Variants in CIB1 observed in about 807,000 individuals in gnomAD.
CIB1 encodes the protein calcium and integrin binding 1.
A neutral mutation model predicts 25.0 loss-of-function variants in CIB1; 19 were observed. The observed-to-expected ratio is 0.76, with a 90% confidence interval of 0.53 to 1.12. The LOEUF is 1.12. Among genes scored for constraint, CIB1 ranks in the 50% most tolerant of loss-of-function variants. The probability of loss-of-function intolerance (pLI) is 0.00; values close to 1 mark genes in which losing one functional copy is unlikely to be tolerated. For synonymous variants in CIB1, 104 were observed against 98.5 expected, an observed-to-expected ratio of 1.06 and a Z score of -0.33; for missense variants, 236 against 242.6, an observed-to-expected ratio of 0.97 and a Z score of 0.18.
At chr15:90,259,968 C>T in the CIB1 span, among the ~76,000 whole-genome samples, 1 of 152,124 alleles carries the variant, frequency 6.6e-6, no homozygotes, top group African/African-American at 2.4e-5. Flanking sequence ...TATGCAGGGG[C>T]AGTGTGTGTT....
chr15:90,251,025 T>A, the CIB1 span: 1 of 1,186,626 alleles, frequency 8.4e-7, no homozygotes, highest in Non-Finnish European at 1.2e-6. Context: ...GGAGTGTCAT[T>A]AACCCTTTGA....
chr15:90,261,882 C>A, the CIB1 span: 1 of 751,830 alleles, frequency 1.3e-6, no homozygotes, highest in Non-Finnish European at 2.0e-6. Flanking sequence ...GCTTTCCCTA[C>A]TTGGGCAGGG....
At chr15:90,249,214 CA>C in the CIB1 span, among the ~76,000 whole-genome samples, 20,525 of 87,750 alleles carry the variant, frequency 0.23, 920 homozygotes, top group Middle Eastern at 0.3. Flanking sequence ...GACCCCGTCT[CA>C]AAAAAAAAAA....
chr15:90,262,668 A>C, the CIB1 span: 5 of 1,483,392 alleles, frequency 3.4e-6, no homozygotes, highest in Non-Finnish European at 4.4e-6. Flanking sequence ...TGGGAGAAAG[A>C]GGTGCCAGGG....
chr15:90,236,123 C>G (rs1031096499), upstream of CIB1: 1 of 152,266 alleles, frequency 6.6e-6, no homozygotes, highest in Non-Finnish European at 1.5e-5. Context: ...ACCGCAACCT[C>G]CGCCTCCTGA....
At chr15:90,253,471 C>A in the CIB1 span, 1 of 711,094 alleles carries the variant, frequency 1.4e-6, no homozygotes, top group Non-Finnish European at 2.3e-6. Context: ...TGTGGCTGTC[C>A]CCTTGTGCAG....
chr15:90,253,167 T>C, the CIB1 span: 1 of 1,144,620 alleles, frequency 8.7e-7, no homozygotes, highest in Non-Finnish European at 1.3e-6. Flanking sequence ...GTCAGGTGTA[T>C]ACCTTACCTG....
upstream of CIB1, among the ~76,000 whole-genome samples, chr15:90,236,708 A>AT (rs976177464): frequency 1.4e-4 from 20 of 147,470 alleles, no homozygotes; most frequent in Admixed American, 8.1e-4. Flanking sequence ...TAATTTTTGT[A>AT]TTTTTTTTTA....
chr15:90,258,936 G>C, the CIB1 span: 33 of 1,613,978 alleles, frequency 2.0e-5, no homozygotes, highest in African/African-American at 3.2e-4. Flanking sequence ...AGGTGTGCTA[G>C]GTGTCTGGCA....
chr15:90,259,443 A>C, the CIB1 span, among the ~76,000 whole-genome samples: 1 of 152,104 alleles, frequency 6.6e-6, no homozygotes, highest in African/African-American at 2.4e-5. Context: ...AAAAATACAG[A>C]GGGTAGTCTT....
At chr15:90,237,442 C>T (rs929074619), upstream of CIB1, among the ~76,000 whole-genome samples, 3 of 151,950 alleles carry the variant, frequency 2.0e-5, no homozygotes, top group South Asian at 2.1e-4. Flanking sequence ...CCCACCACCA[C>T]GCCCAGCTAA....
chr15:90,248,525 G>T, the CIB1 span, among the ~76,000 whole-genome samples: 1 of 151,690 alleles, frequency 6.6e-6, no homozygotes, highest in Non-Finnish European at 1.5e-5. Context: ...GATCAGCCTG[G>T]CCAACACAGC....
chr15:90,265,759 C>T, the CIB1 span: 4 of 1,613,150 alleles, frequency 2.5e-6, no homozygotes, highest in African/African-American at 4.0e-5. Context: ...GTTTGCGCCG[C>T]CGTCACTCGC....
At chr15:90,256,566 T>C in the CIB1 span, among the ~76,000 whole-genome samples, 89 of 80,988 alleles carry the variant, frequency 1.1e-3, no homozygotes, top group Non-Finnish European at 1.8e-3. Flanking sequence ...TCTTTCTTTC[T>C]TTCTTTCTTT....
At chr15:90,263,060 T>C in the CIB1 span, 2 of 1,535,990 alleles carry the variant, frequency 1.3e-6, no homozygotes, top group African/African-American at 2.7e-5. Flanking sequence ...AGGGAGACTC[T>C]CATCCGAAGC....
At chr15:90,242,431 C>CTTTTTTTTTTTTTTTTTTTTTTTTTTT in the CIB1 span, 2 of 65,510 alleles carry the variant, frequency 3.1e-5, no homozygotes, top group African/African-American at 5.8e-5. Flanking sequence ...TTTTCTGTTT[C>CTTTTTTTTTTTTTTTTTTTTTTTTTTT]TTTTTTTTTT....
At chr15:90,241,557 C>T in the CIB1 span, 5 of 1,613,366 alleles carry the variant, frequency 3.1e-6, no homozygotes, top group Admixed American at 3.3e-5. Context: ...GGTGAACCAC[C>T]TCCACCTGCA....
chr15:90,230,955 G>C lies in CIB1; in HGVS notation c.533C>G (p.Ser178Cys), dbSNP rs781487047. Residue 178 changes from serine to cysteine, a missense_variant, in exon 6 of 7, where the codon TCC becomes TGC. Transcript: ENST00000328649. The stretch of plus-strand genomic sequence containing the variant: ...ATACCTGGCAAAGTCTGGAGAACGG[G>C]AGATGACGTGCTGGAACTCAGAGAG... Reference protein sequence around the residue: ...INLSEFQHVISRSPDFASSFK... With the variant: ...INLSEFQHVICRSPDFASSFK... 1.2e-6 allele frequency: 2 copies of C among 1,614,158 alleles called. No homozygotes were observed. Among genetic ancestry groups the C allele is most frequent in the Non-Finnish European group, 1.7e-6 (2 of 1,180,014 alleles).
At chr15:90,231,271 CA>C in intron 4 of CIB1, 58 bp from the exon 5 acceptor site, 1 of 1,608,168 alleles carries the variant, frequency 6.2e-7, no homozygotes, top group South Asian at 1.1e-5. Flanking sequence ...TGAGGTTCCC[CA>C]AACGGCGCCC....
Sources: allele counts gnomAD v4.1 joint callset (sites outside exome capture counted in the v4.1 genomes callset), GRCh38; gene constraint gnomAD v4.1.1; transcripts MANE v1.5; gene names NCBI Gene and HGNC (gene_info 2026-07-23, HGNC 2026-07-21).